Variants in COL12A1 observed in about 807,000 individuals in gnomAD.
COL12A1 encodes the protein collagen type XII alpha 1 chain.
In COL12A1, 114 loss-of-function variants were observed where a neutral mutation model predicts 349.7. The observed-to-expected ratio is 0.33, with a 90% CI of 0.28 to 0.38. The LOEUF (loss-of-function observed/expected upper bound fraction) is 0.38. Among genes scored for constraint, COL12A1 ranks in the 10% least tolerant of loss-of-function variants. The pLI, the probability that COL12A1 is intolerant of heterozygous loss-of-function variation, is 1.00. For missense variants in COL12A1, 3,284 were observed against 3,756.9 expected, an observed-to-expected ratio of 0.87 and a Z score of 3.29; for synonymous variants, 1,369 against 1,329.0, an observed-to-expected ratio of 1.03 and a Z score of -0.66.
In COL12A1 at chr6:75,113,703, A is replaced by ATATTTATTTGATATATACTT. The variant is rs1369844594; in HGVS notation, c.7738_7739insAAGTATATATCAAATAAATA (p.Ile2580LysfsTer6). On this transcript the variant is annotated stop_gained and frameshift_variant, in exon 50 of 66. Coordinates refer to ENST00000322507, the MANE Select transcript of COL12A1 (RefSeq NM_004370.6). LOFTEE classifies it high-confidence loss of function. ...TTCTGGGAGAAGTCTGAATAATAAT[A>ATATTTATTTGATATATACTT]TAATCGTGTATGAAGGAGGGAGTCC... 6.2e-7 allele frequency: 1 copy of ATATTTATTTGATATATACTT among 1,604,994 alleles called. No individual in the cohort carries two copies. The highest frequency in any genetic ancestry group is 8.5e-7 in the Non-Finnish European group (1 of 1,173,918).
intron 11 of COL12A1, 32 bp from the exon 12 acceptor site, chr6:75,177,967 C>T (rs3777509): frequency 6.4e-7 from 1 of 1,558,158 alleles, no homozygotes; most frequent in Non-Finnish European, 8.6e-7. Flanking sequence ...AGATTTTAAA[C>T]CATAAATTGA....
At chr6:75,143,143 C>T (rs1344750852) in intron 26 of COL12A1, 109 bp downstream of exon 26, 2 of 1,290,594 alleles carry the variant, frequency 1.5e-6, no homozygotes, top group African/African-American at 1.5e-5. Context: ...ACTGTGTTAA[C>T]AAAGTGACAA....
In COL12A1 at chr6:75,143,534, T is replaced by C. The variant is rs1291151315; in HGVS notation, c.4691-146A>G. On this transcript the variant is annotated intron_variant, in intron 25 of 65. Coordinates refer to ENST00000322507, the MANE Select transcript of COL12A1 (RefSeq NM_004370.6). ...AAAAAAATGATTATGATGATAAAAG[T>C]ACCATGATTCTACCAGATAGACTGA... 3.6e-6 allele frequency: 3 copies of C among 823,938 alleles called. No individual in the cohort carries two copies. The Admixed American group carries it at 1.0e-4, about 28-fold the overall frequency. The allele number at this position is 823,938 out of a possible 1,614,324, so 51.0% of individuals were successfully genotyped here. A position where few individuals can be genotyped will look rare whatever the true frequency, so the allele number is the denominator to read the frequency against.
intron 13 of COL12A1, among the ~76,000 whole-genome samples, chr6:75,170,924 G>A (rs1392610797): frequency 1.3e-5 from 2 of 152,154 alleles, no homozygotes; most frequent in African/African-American, 2.4e-5. Flanking sequence ...TTAGCAGGTT[G>A]CTATAGCAAC....
At chr6:75,123,808 A>T (rs1765865474) in intron 42 of COL12A1, 140 bp downstream of exon 42, 3 of 932,174 alleles carry the variant, frequency 3.2e-6, no homozygotes, top group Non-Finnish European at 4.6e-6. Flanking sequence ...TAGACTCCAC[A>T]TTCAGGAATC....
rs144476673 is a variant in COL12A1, at chr6:75,174,700, C to T, written c.2710+338G>A. 1.7e-3 allele frequency among the ~76,000 whole-genome samples: 254 copies of T among 152,246 alleles called. 1 individual carries two copies. The highest frequency in any genetic ancestry group is 5.6e-3 in the African/African-American group (232 of 41,542). ...CTGCATAAACTTGGGCAATCCAAAC[C>T]TTTTTTCATAGATGTTTCCCAAGGT... is the stretch of plus-strand genomic sequence containing the variant. On this transcript the variant is annotated intron_variant, in intron 13 of 65. Coordinates refer to ENST00000322507, the MANE Select transcript of COL12A1 (RefSeq NM_004370.6).
intron 26 of COL12A1, among the ~76,000 whole-genome samples, chr6:75,142,437 C>T (rs1300286720): frequency 6.6e-6 from 1 of 152,126 alleles, no homozygotes; most frequent in Non-Finnish European, 1.5e-5. Flanking sequence ...CACCTGTTTC[C>T]CTTTATATCA....
intron 42 of COL12A1, among the ~76,000 whole-genome samples, 154 bp from the exon 43 acceptor site, chr6:75,123,558 A>G (rs1016251904): frequency 1.3e-5 from 2 of 152,236 alleles, no homozygotes; most frequent in African/African-American, 4.8e-5. Context: ...TGGGGATTTT[A>G]TTCCATCCAA....
In COL12A1 at chr6:75,175,218, A is replaced by G; in HGVS notation, c.2530T>C (p.Tyr844His). ...GCCACTGGGGTATATGTGACGAGAT[A>G]CTGTTTCACTTTTCCTGGTGCCCCA... ...WSGAPGKVKQ[Y>H]LVTYTPVAGG... Residue 844 changes from tyrosine to histidine, a missense_variant, in exon 13 of 66, where the codon TAT (tyrosine) becomes CAT (histidine). By Grantham distance (83) the Tyr-to-His change is moderately conservative. Coordinates refer to ENST00000322507, the MANE Select transcript of COL12A1 (RefSeq NM_004370.6). 6.2e-7 allele frequency: 1 copy of G among 1,614,174 alleles called. No homozygotes were observed.
At chr6:75,104,178 C>T (rs1328311285) in intron 54 of COL12A1, among the ~76,000 whole-genome samples, 2 of 152,064 alleles carry the variant, frequency 1.3e-5, no homozygotes, top group Non-Finnish European at 2.9e-5. Context: ...TTAAATCGCT[C>T]AGAGTATTAG....
At chr6:75,119,783 A>G (rs969644670) in intron 44 of COL12A1, among the ~76,000 whole-genome samples, 1 of 152,238 alleles carries the variant, frequency 6.6e-6, no homozygotes, top group African/African-American at 2.4e-5. Context: ...GTGAGATCCC[A>G]GGATTAGACA....
At chr6:75,191,796 A>G (rs571842388) in intron 4 of COL12A1, 36 bp from the exon 5 acceptor site, 1 of 1,378,764 alleles carries the variant, frequency 7.3e-7, no homozygotes, top group Admixed American at 2.2e-5. Flanking sequence ...AAGGAAATGA[A>G]CCCAAGCAGA....
At chr6:75,146,045 C>T (rs1266249591) in intron 24 of COL12A1, 57 bp downstream of exon 24, 11 of 1,498,592 alleles carry the variant, frequency 7.3e-6, no homozygotes, top group Non-Finnish European at 8.0e-6. Context: ...ATAATAGGCA[C>T]TATAAAGCTA....
intron 1 of COL12A1, among the ~76,000 whole-genome samples, chr6:75,204,685 G>A (rs140203971): frequency 2.6e-5 from 4 of 152,116 alleles, no homozygotes; most frequent in African/African-American, 9.6e-5. Context: ...GGGAGTGGGG[G>A]CTAAGTGGAC....
Position 75,151,841 on chromosome 6 carries a change from G to A in COL12A1, c.4000+26C>T, listed in dbSNP as rs1257991610. ...CCTCAGCACATTTGTAACCCCAGGG[G>A]CATCACTGTCCTTTTCAGTGCGTAC... On this transcript the variant is annotated intron_variant, in intron 20 of 65. Transcript: ENST00000322507. 5 of 1,607,430 alleles carry A rather than the reference G, an allele frequency of 3.1e-6. No individual in the cohort carries two copies. In the East Asian group the frequency reaches 1.1e-4, roughly 36 times the overall value.
At position 75,123,842 on chromosome 6, in the gene COL12A1, T is replaced by C. The variant is rs1765870840; in HGVS notation, c.6871+106A>G. 28 of 1,170,762 alleles carry C rather than the reference T, an allele frequency of 2.4e-5. 1 individual carries two copies. In the South Asian group the frequency reaches 4.4e-4, roughly 19 times the overall value. The allele number at this position is 1,170,762 out of a possible 1,614,324, so 72.5% of individuals were successfully genotyped here. On this transcript the variant is annotated intron_variant, in intron 42 of 65. Coordinates refer to ENST00000322507, the MANE Select transcript of COL12A1 (RefSeq NM_004370.6). Reference sequence around the variant, plus strand: ...TCTGCCATCATCCCATCATTATTGCTACCCCTACGGAGAGGTACCTGCACA... The same window carrying C: ...TCTGCCATCATCCCATCATTATTGCCACCCCTACGGAGAGGTACCTGCACA...
At chr6:75,088,985 A>G in intron 64 of COL12A1, 121 bp downstream of exon 64, 1 of 759,082 alleles carries the variant, frequency 1.3e-6, no homozygotes, top group South Asian at 1.7e-5. Flanking sequence ...TGGGTGACAG[A>G]GCAAGACTCC....
intron 6 of COL12A1, 65 bp from the exon 7 acceptor site, chr6:75,189,446 T>G (rs1050310974): frequency 2.5e-6 from 4 of 1,575,562 alleles, no homozygotes; most frequent in Admixed American, 1.9e-5. Flanking sequence ...TCAAAAACTA[T>G]GTGAACAATG....
chr6:75,104,436 C>A (rs962646220), intron 54 of COL12A1, among the ~76,000 whole-genome samples: 1 of 152,112 alleles, frequency 6.6e-6, no homozygotes, highest in Admixed American at 6.5e-5. Flanking sequence ...AACCTAAAAT[C>A]GGTCTACATT....
Sources: allele counts gnomAD v4.1 joint callset (sites outside exome capture counted in the v4.1 genomes callset), GRCh38; gene constraint gnomAD v4.1.1; transcripts MANE v1.5; gene names NCBI Gene and HGNC (gene_info 2026-07-23, HGNC 2026-07-21).